Variants in CYP2S1 observed in about 807,000 individuals in gnomAD.
CYP2S1 encodes cytochrome P450 family 2 subfamily S member 1, also known as cytochrome P450 2S1.
In CYP2S1, 32 loss-of-function variants were observed where a neutral mutation model predicts 43.5. That is an observed-to-expected ratio of 0.74 (90% confidence interval 0.56 to 0.99). CYP2S1 has a LOEUF of 0.99. CYP2S1 is among the 50% of genes least tolerant of loss of function. The pLI is 0.00. For missense variants in CYP2S1, 575 were observed against 673.9 expected, an observed-to-expected ratio of 0.85 and a Z score of 1.62; for synonymous variants, 283 against 302.9, an observed-to-expected ratio of 0.93 and a Z score of 0.68.
intron 6 of CYP2S1, among the ~76,000 whole-genome samples, chr19:41,201,793 C>T (rs886301052): frequency 2.6e-5 from 4 of 151,504 alleles, no homozygotes; most frequent in East Asian, 1.9e-4. Flanking sequence ...ATGGGCATGG[C>T]GTTTGAGATG....
intron 5 of CYP2S1, among the ~76,000 whole-genome samples, 161 bp from the exon 6 acceptor site, chr19:41,201,070 C>T (rs376925243): frequency 6.6e-6 from 1 of 151,814 alleles, no homozygotes; most frequent in African/African-American, 2.4e-5. Flanking sequence ...AAGCAAGACT[C>T]TGTCTCAAAA....
In CYP2S1 at chr19:41,203,904, C is replaced by T. The variant is rs111375444; in HGVS notation, c.1164+267C>T. Reference sequence around the variant, plus strand: ...TGAGACAGAGTCTCGCACTGTCGCCCGGGCTGGAGTGCAATGGCGTGATCT... The same window carrying T: ...TGAGACAGAGTCTCGCACTGTCGCCTGGGCTGGAGTGCAATGGCGTGATCT... On this transcript the variant is annotated intron_variant, in intron 7 of 8. Transcript: ENST00000310054. 8.3e-4 allele frequency among the ~76,000 whole-genome samples: 126 copies of T among 151,950 alleles called. 1 individual carries two copies. The highest frequency in any genetic ancestry group is 2.6e-3 in the African/African-American group (109 of 41,444).
rs1450038382 is a variant in CYP2S1 at position 41,203,651 on chromosome 19, T to TG, written c.1164+16dup. On this transcript the variant is annotated intron_variant, in intron 7 of 8. Coordinates refer to ENST00000310054, the MANE Select transcript of CYP2S1 (RefSeq NM_030622.8). ...ACCCTGCCCCAGGTGGGTATGCGTATGGCTGCCACCCATGGTTCTCTGCCT... is the reference window on the plus strand; with the variant it reads ...ACCCTGCCCCAGGTGGGTATGCGTATGGGCTGCCACCCATGGTTCTCTGCCT... 6.6e-7 allele frequency: 1 copy of TG among 1,516,184 alleles called. No individual in the cohort carries two copies. Among genetic ancestry groups the TG allele is most frequent in the Non-Finnish European group, 8.9e-7 (1 of 1,126,052 alleles). 93.9% of individuals were successfully genotyped at this position (1,516,184 alleles called of 1,614,324 possible). A position where few individuals can be genotyped will look rare whatever the true frequency, so the allele number is the denominator to read the frequency against.
intron 8 of CYP2S1, 37 bp downstream of exon 8, chr19:41,206,136 T>C (rs2033573472): frequency 6.2e-7 from 1 of 1,610,940 alleles, no homozygotes; most frequent in East Asian, 2.2e-5. Context: ...AAGCAGGTGC[T>C]GGCGAACTCC....
At chr19:41,195,608 T>C (rs938226252) in intron 2 of CYP2S1, among the ~76,000 whole-genome samples, 4 of 152,020 alleles carry the variant, frequency 2.6e-5, no homozygotes, top group African/African-American at 9.7e-5. Flanking sequence ...TGACCCGGCA[T>C]GTTTGGTGAG....
At chr19:41,193,557 C>T in intron 1 of CYP2S1, 116 bp downstream of exon 1, 1 of 1,359,040 alleles carries the variant, frequency 7.4e-7, no homozygotes, top group Non-Finnish European at 9.4e-7. Context: ...GGCAGGGGTC[C>T]CAAGGCAAAG....
chr19:41,205,340 T>TTC (rs1332412969), intron 7 of CYP2S1, among the ~76,000 whole-genome samples: 8 of 81,316 alleles, frequency 9.8e-5, no homozygotes, highest in African/African-American at 4.8e-4. Flanking sequence ...CTTTCTTTCT[T>TTC]TTTTTCTTTC....
intron 2 of CYP2S1, among the ~76,000 whole-genome samples, chr19:41,195,982 G>T (rs1479085886): frequency 6.6e-6 from 1 of 152,018 alleles, no homozygotes; most frequent in Non-Finnish European, 1.5e-5. Flanking sequence ...TCCTACTGTG[G>T]GAGAGGCGGG....
intron 7 of CYP2S1, 133 bp from the exon 8 acceptor site, chr19:41,205,825 C>T: frequency 8.3e-7 from 1 of 1,202,354 alleles, no homozygotes; most frequent in East Asian, 2.5e-5. Context: ...CGCCACTCAA[C>T]ACTCCACAAA....
chr19:41,195,654 C>T (rs758551930), intron 2 of CYP2S1, among the ~76,000 whole-genome samples: 7 of 152,014 alleles, frequency 4.6e-5, no homozygotes, highest in Admixed American at 6.6e-5. Flanking sequence ...GAGAGGCTGT[C>T]GGAGCTGAGA....
rs2033441730 is a variant in CYP2S1 at position 41,198,377 on chromosome 19, T to A, written c.494-85T>A. The A allele has an allele frequency of 4.5e-6, 7 of 1,542,630 alleles. No homozygotes were observed. The highest frequency in any genetic ancestry group is 6.2e-6 in the Non-Finnish European group (7 of 1,137,280). On this transcript the variant is annotated intron_variant, in intron 3 of 8. Coordinates refer to ENST00000310054, the MANE Select transcript of CYP2S1 (RefSeq NM_030622.8). This position sits in a 1 kb window ranked among gnomAD's most constrained non-coding sequence, Gnocchi z 4.9. ...CCATCCATCTTTCCCTGCCTCCCTG[T>A]CTCTCTCTGGTTGGGTTCAGCTCCA...
chr19:41,198,486 T>G lies in CYP2S1; in HGVS notation c.518T>G (p.Leu173Arg), dbSNP rs776322435. ...GGACGCCCATTCGATCCCTCCCTGC[T>G]GCTGGCCCAGGCCACCTCCAACGTA... The part of the protein sequence containing the change: ...TEGRPFDPSL[L>R]LAQATSNVVC... The change falls in exon 4 of 9, where the codon CTG (leucine) becomes CGG (arginine). Residue 173 changes from leucine to arginine, a missense_variant. Leu to Arg is a moderately radical substitution (Grantham distance 102). Transcript: ENST00000310054. This position sits in a 1 kb window ranked among gnomAD's most constrained non-coding sequence, Gnocchi z 4.9. The G allele has an allele frequency of 2.5e-6, 4 of 1,614,020 alleles. No homozygotes were observed. In the Admixed American group the frequency reaches 6.7e-5, roughly 27 times the overall value.
chr19:41,193,632 G>T lies in CYP2S1; in HGVS notation c.177+191G>T, dbSNP rs557836362. 171 of 1,163,502 alleles carry T rather than the reference G, an allele frequency of 1.5e-4. 1 individual carries two copies. The African/African-American group carries it at 2.6e-3, about 17-fold the overall frequency. 72.1% of individuals were successfully genotyped at this position (1,163,502 alleles called of 1,614,324 possible). On this transcript the variant is annotated intron_variant, in intron 1 of 8. Coordinates refer to ENST00000310054, the MANE Select transcript of CYP2S1 (RefSeq NM_030622.8). ...GTCCAGGGCTGAGAAGGGGAGAGGT[G>T]CCCGGGAGAGAGGATCGTGGGGTGG...
At position 41,206,348 on chromosome 19, in the gene CYP2S1, C is replaced by A. The variant is rs1181911073; in HGVS notation, c.1375C>A (p.Gln459Lys). 6.2e-7 allele frequency: 1 copy of A among 1,614,072 alleles called. No individual in the cohort carries two copies. The highest frequency in any genetic ancestry group is 1.3e-5 in the African/African-American group (1 of 74,912). Residue 459 changes from glutamine (Q) to lysine (K), a missense_variant, in exon 9 of 9, where the codon CAA (glutamine) becomes AAA (lysine). Gln to Lys is a moderately conservative substitution (Grantham distance 53). This residue lies in a region of CYP2S1 where 222 missense variants were observed against 306.3 expected (regional missense o/e 0.72). Transcript: ENST00000310054. ...ELFLFFTTIL[Q>K]AFSLESPCPP... is the part of the protein sequence containing the mutation. ...CTTCCTCTTCTTCACCACCATCCTA[C>A]AAGCCTTCTCCCTGGAGAGCCCGTG...
chr19:41,205,326 CTTTCTTTCTTTCTTTT>C lies in CYP2S1; in HGVS notation c.1165-616_1165-601del, dbSNP rs1237923553. Among the ~76,000 whole-genome samples, 139 of 64,522 alleles carry C rather than the reference CTTTCTTTCTTTCTTTT, an allele frequency of 2.2e-3. 1 individual carries two copies. The highest frequency in any genetic ancestry group is 5.7e-3 in the African/African-American group (73 of 12,812). 42.3% of individuals were successfully genotyped at this position (64,522 alleles called of 152,430 possible). A position where few individuals can be genotyped will look rare whatever the true frequency, so the allele number is the denominator to read the frequency against. ...CTATGCCTTAACTACTATTCTTTGCCTTTCTTTCTTTCTTTTTTTCTTTCTTTCTTTCTTTCTTTCT... is the reference window on the plus strand; with the variant it reads ...CTATGCCTTAACTACTATTCTTTGCCTTTCTTTCTTTCTTTCTTTCTTTCT... On this transcript the variant is annotated intron_variant, in intron 7 of 8. Coordinates refer to ENST00000310054, the MANE Select transcript of CYP2S1 (RefSeq NM_030622.8).
chr19:41,198,646 AACT>A lies in CYP2S1; in HGVS notation c.654+27_654+29del. 6.2e-7 allele frequency: 1 copy of A among 1,613,646 alleles called. No individual in the cohort carries two copies. The highest frequency in any genetic ancestry group is 8.5e-7 in the Non-Finnish European group (1 of 1,179,810). On this transcript the variant is annotated intron_variant, in intron 4 of 8. Transcript: ENST00000310054. This position sits in a 1 kb window ranked among gnomAD's most constrained non-coding sequence, Gnocchi z 4.9. Reference sequence around the variant, plus strand: ...AGGTGAGTGGGTGGGACCCCTCTCCAACTACCTTCCCTGAAGGTTCCTGCCAAG... The same window carrying A: ...AGGTGAGTGGGTGGGACCCCTCTCCAACCTTCCCTGAAGGTTCCTGCCAAG...
chr19:41,206,699 G>A lies in CYP2S1; in HGVS notation c.*211G>A. The stretch of plus-strand genomic sequence containing the variant: ...CCGCACACCCATACACAACTACAAG[G>A]GCCACAAAGCAACTGCTGGGTTAGC... On this transcript the variant is annotated 3_prime_UTR_variant, in exon 9 of 9. Transcript: ENST00000310054. 2.6e-6 allele frequency: 2 copies of A among 775,044 alleles called. No homozygotes were observed. The highest frequency in any genetic ancestry group is 4.7e-6 in the Non-Finnish European group (2 of 428,786). 48.0% of individuals were successfully genotyped at this position (775,044 alleles called of 1,614,324 possible). A position where few individuals can be genotyped will look rare whatever the true frequency, so the allele number is the denominator to read the frequency against.
rs755173146 is a variant in CYP2S1 at position 41,203,602 on chromosome 19, C to T, written c.1129C>T (p.Arg377Trp). The T allele has an allele frequency of 9.7e-6, 15 of 1,551,710 alleles. No individual in the cohort carries two copies. The highest frequency in any genetic ancestry group is 1.0e-5 in the Non-Finnish European group (12 of 1,148,030). Residue 377 changes from arginine (R) to tryptophan (W), a missense_variant, in exon 7 of 9, where the codon CGG (arginine) becomes TGG (tryptophan). Physicochemically the swap from Arg to Trp is moderately radical, Grantham distance 101. This residue lies in a region of CYP2S1 where 222 missense variants were observed against 306.3 expected (regional missense o/e 0.72). Coordinates refer to ENST00000310054, the MANE Select transcript of CYP2S1 (RefSeq NM_030622.8). Reference sequence around the variant, plus strand: ...CATGGGAATACCCCGCACCCTCATGCGGACCACCCGCTTCCGAGGGTACAC... The same window carrying T: ...CATGGGAATACCCCGCACCCTCATGTGGACCACCCGCTTCCGAGGGTACAC... ...VPMGIPRTLM[R>W]TTRFRGYTLP...
intron 2 of CYP2S1, among the ~76,000 whole-genome samples, chr19:41,196,077 C>T (rs2033409777): frequency 6.6e-6 from 1 of 151,850 alleles, no homozygotes; most frequent in Admixed American, 6.6e-5. Flanking sequence ...AGGGCACAGG[C>T]ATATGTACGA....
Sources: allele counts gnomAD v4.1 joint callset (sites outside exome capture counted in the v4.1 genomes callset), GRCh38; gene constraint gnomAD v4.1.1; regional missense constraint gnomAD v4.1.1; non-coding constraint Gnocchi (gnomAD v3.1); transcripts MANE v1.5; gene names NCBI Gene and HGNC (gene_info 2026-07-23, HGNC 2026-07-21).